The following NBAS variants were observed in gnomAD, a reference collection of about 807,000 sequenced individuals.
The protein encoded by NBAS is NAG/BC035112 fusion.
In NBAS, 219 loss-of-function variants were observed where a neutral mutation model predicts 302.5. That is an observed-to-expected ratio of 0.72 (90% CI 0.65 to 0.81). NBAS has a LOEUF of 0.81. Among genes scored for constraint, NBAS ranks in the 30% least tolerant of loss-of-function variants. The probability of loss-of-function intolerance (pLI) is 0.00; values close to 1 mark genes in which losing one functional copy is unlikely to be tolerated. For missense variants in NBAS, 2,932 were observed against 2,841.6 expected (o/e 1.03, Z -0.72); for synonymous variants, 1,118 against 1,021.6 (o/e 1.09, Z -1.80).
chr2:15,538,468 C>A, intron 7 of NBAS: 1 of 284,206 alleles, frequency 3.5e-6, no homozygotes, highest in Non-Finnish European at 7.4e-6. Context: ...AATACCCAGG[C>A]CCCACAAAGA....
chr2:14,856,827 A>G, the NBAS span, among the ~76,000 whole-genome samples: 1 of 151,814 alleles, frequency 6.6e-6, no homozygotes, highest in African/African-American at 2.4e-5. Flanking sequence ...CGGGGCAAAT[A>G]TGAGTTATTA....
chr2:15,020,675 T>C, the NBAS span, among the ~76,000 whole-genome samples: 2 of 152,026 alleles, frequency 1.3e-5, no homozygotes, highest in Non-Finnish European at 2.9e-5. Flanking sequence ...AAGAGGAAGA[T>C]TGGAAACAAA....
chr2:14,794,101 A>AC, the NBAS span, among the ~76,000 whole-genome samples: 6 of 152,360 alleles, frequency 3.9e-5, no homozygotes, highest in East Asian at 1.2e-3. Context: ...GAACCTTAGT[A>AC]TATCAGGAAG....
chr2:15,081,039 G>A, the NBAS span, among the ~76,000 whole-genome samples: 1 of 152,004 alleles, frequency 6.6e-6, no homozygotes, highest in Non-Finnish European at 1.5e-5. Context: ...AGAGGCAGCT[G>A]ACTCTTTTTC....
intron 23 of NBAS, among the ~76,000 whole-genome samples, chr2:15,421,296 T>C (rs944086174): frequency 1.3e-5 from 2 of 152,202 alleles, no homozygotes; most frequent in Admixed American, 1.3e-4. Context: ...CAAACTAGTA[T>C]TTTTAATATC....
intron 21 of NBAS, among the ~76,000 whole-genome samples, chr2:15,447,298 A>G (rs1678798406): frequency 6.6e-6 from 1 of 152,244 alleles, no homozygotes; most frequent in South Asian, 2.1e-4. Context: ...TGTTTTTAAA[A>G]GTCAATGTAC....
chr2:15,463,538 C>T (rs1679595816), intron 19 of NBAS, among the ~76,000 whole-genome samples: 1 of 152,102 alleles, frequency 6.6e-6, no homozygotes, highest in Non-Finnish European at 1.5e-5. Context: ...CATTTCCCCT[C>T]AAAGTCCCTC....
chr2:15,330,875 ACAC>A, intron 35 of NBAS, 110 bp from the exon 36 acceptor site: 2 of 1,210,218 alleles, frequency 1.7e-6, no homozygotes, highest in South Asian at 1.6e-5. Flanking sequence ...TTGAAGACAG[ACAC>A]ATTTAAAAAT....
chr2:14,854,651 G>T, the NBAS span, among the ~76,000 whole-genome samples: 1 of 152,120 alleles, frequency 6.6e-6, no homozygotes, highest in East Asian at 1.9e-4. Flanking sequence ...CACAGAAATT[G>T]TGAGCCATTG....
At chr2:15,261,830 TC>T (rs1182896279) in intron 44 of NBAS, among the ~76,000 whole-genome samples, 6 of 152,208 alleles carry the variant, frequency 3.9e-5, no homozygotes, top group African/African-American at 1.4e-4. Flanking sequence ...ATTCACATTT[TC>T]CATTTAGAAA....
the NBAS span, among the ~76,000 whole-genome samples, chr2:14,800,834 C>G: frequency 7.6e-6 from 1 of 131,084 alleles, no homozygotes. Flanking sequence ...CTTACTATTT[C>G]CAGTGCTCTT....
chr2:15,366,575 C>A lies in NBAS; in HGVS notation c.3817+5G>T, dbSNP rs1363571309. 2 of 1,612,062 alleles carry A rather than the reference C, an allele frequency of 1.2e-6. No homozygotes were observed. Among genetic ancestry groups the A allele is most frequent in the Admixed American group, 3.3e-5 (2 of 60,002 alleles). ...ATTCTGCAGTTTAGTACTCAAAAGACTTACCTGCAACCCTCAGCAGCTCAG... is the reference window on the plus strand; with the variant it reads ...ATTCTGCAGTTTAGTACTCAAAAGAATTACCTGCAACCCTCAGCAGCTCAG... On this transcript the variant is annotated splice_donor_5th_base_variant and intron_variant, in intron 32 of 51. Coordinates refer to ENST00000281513, the MANE Select transcript of NBAS (RefSeq NM_015909.4).
At chr2:15,543,799 A>C (rs1420083967) in intron 6 of NBAS, among the ~76,000 whole-genome samples, 1 of 152,230 alleles carries the variant, frequency 6.6e-6, no homozygotes, top group Non-Finnish European at 1.5e-5. Context: ...AATCAAGATG[A>C]GATTTGGGTG....
At chr2:15,422,666 T>C (rs1459252194) in intron 23 of NBAS, among the ~76,000 whole-genome samples, 2 of 152,148 alleles carry the variant, frequency 1.3e-5, no homozygotes, top group African/African-American at 4.8e-5. Flanking sequence ...ACACCAAAAA[T>C]TGAGGAATCA....
At chr2:14,963,284 A>G in the NBAS span, among the ~76,000 whole-genome samples, 1 of 152,086 alleles carries the variant, frequency 6.6e-6, no homozygotes, top group Non-Finnish European at 1.5e-5. Context: ...AAATAAATAA[A>G]TAAAAATCAA....
the NBAS span, among the ~76,000 whole-genome samples, chr2:15,107,316 C>A: frequency 6.6e-6 from 1 of 152,064 alleles, no homozygotes; most frequent in African/African-American, 2.4e-5. Flanking sequence ...AGAAGAAAGT[C>A]CTCATGAGAA....
the NBAS span, among the ~76,000 whole-genome samples, chr2:14,876,230 G>T: frequency 3.3e-5 from 5 of 152,160 alleles, no homozygotes; most frequent in African/African-American, 4.8e-5. Flanking sequence ...TTCAGGTTAA[G>T]AAACTAATGT....
chr2:15,534,958 AG>A (rs1663413637), intron 8 of NBAS, among the ~76,000 whole-genome samples: 2 of 152,216 alleles, frequency 1.3e-5, no homozygotes, highest in South Asian at 4.1e-4. Context: ...CATTATTTGC[AG>A]GGGCCAAGAA....
chr2:14,922,718 C>G, the NBAS span, among the ~76,000 whole-genome samples: 1 of 152,142 alleles, frequency 6.6e-6, no homozygotes, highest in Non-Finnish European at 1.5e-5. Flanking sequence ...TAGGGGGATA[C>G]AATTTAGTCC....
Sources: gnomAD v4.1 joint callset for allele counts (sites outside exome capture counted in the v4.1 genomes callset) on GRCh38, gnomAD v4.1.1 for gene constraint, MANE v1.5 for transcripts, NCBI Gene and HGNC (gene_info 2026-07-23, HGNC 2026-07-21) for gene names.